Variants in WDR17 observed in about 807,000 individuals in gnomAD.
WDR17 encodes WD repeat domain 17.
A neutral mutation model predicts 161.7 loss-of-function variants in WDR17; 143 were observed. The observed-to-expected ratio is 0.88, with a 90% CI of 0.77 to 1.02. WDR17 has a LOEUF of 1.02. Ranked by LOEUF, WDR17 falls within the 50% of genes least tolerant of loss-of-function variation. The pLI is 0.00. For missense variants in WDR17, 1,469 were observed against 1,520.9 expected, an observed-to-expected ratio of 0.97 and a Z score of 0.57; for synonymous variants, 517 against 515.6, an observed-to-expected ratio of 1.00 and a Z score of -0.04.
intron 5 of WDR17, among the ~76,000 whole-genome samples, chr4:176,126,580 A>G (rs556551981): frequency 1.3e-5 from 2 of 152,220 alleles, no homozygotes; most frequent in Non-Finnish European, 2.9e-5. Flanking sequence ...AAATTCCACA[A>G]AATTTCAAGA....
In WDR17 at chr4:176,135,097, C is replaced by T; in HGVS notation, c.1099-11C>T. The T allele has an allele frequency of 6.2e-7, 1 of 1,609,544 alleles. No homozygotes were observed. On this transcript the variant is annotated splice_polypyrimidine_tract_variant and intron_variant, in intron 7 of 28. Transcript: ENST00000508596. ...CTCAATAATTATGACTTTTTTATGCCATATTCCTAGGGACATGTGGAAACT... is the reference window on the plus strand; with the variant it reads ...CTCAATAATTATGACTTTTTTATGCTATATTCCTAGGGACATGTGGAAACT...
intron 4 of WDR17, among the ~76,000 whole-genome samples, chr4:176,120,821 T>G (rs1028321616): frequency 1.3e-5 from 2 of 151,596 alleles, no homozygotes; most frequent in African/African-American, 4.9e-5. Flanking sequence ...GATAACTACT[T>G]TCACAAAACA....
chr4:176,167,535 A>T (rs369565073), intron 22 of WDR17, among the ~76,000 whole-genome samples: 1 of 147,238 alleles, frequency 6.8e-6, no homozygotes, highest in African/African-American at 2.5e-5. Context: ...AGTCCCAGCT[A>T]CTCGGGAGGC....
chr4:176,095,764 T>G (rs1409055307), intron 1 of WDR17, among the ~76,000 whole-genome samples: 1 of 152,084 alleles, frequency 6.6e-6, no homozygotes, highest in African/African-American at 2.4e-5. Context: ...AAAAGATCGC[T>G]TAGAACCTGT....
intron 23 of WDR17, among the ~76,000 whole-genome samples, chr4:176,170,016 T>C (rs1042850874): frequency 3.9e-5 from 6 of 152,204 alleles, no homozygotes; most frequent in Admixed American, 1.3e-4. Flanking sequence ...AGTGTTTGAA[T>C]GTACACTAAC....
intron 10 of WDR17, among the ~76,000 whole-genome samples, chr4:176,141,544 C>T (rs556943759): frequency 2.0e-5 from 3 of 152,278 alleles, no homozygotes; most frequent in Non-Finnish European, 2.9e-5. Context: ...ATCCTCCTGC[C>T]TCAGCCTCCT....
Position 176,168,564 on chromosome 4 carries a change from A to T in WDR17, c.2991-108A>T, listed in dbSNP as rs565800887. The T allele has an allele frequency of 5.8e-4, 772 of 1,329,720 alleles. 3 individuals carry two copies. Among genetic ancestry groups the T allele is most frequent in the Middle Eastern group, 5.0e-3 (26 of 5,186 alleles). The allele number at this position is 1,329,720 out of a possible 1,614,324, so 82.4% of individuals were successfully genotyped here. On this transcript the variant is annotated intron_variant, in intron 22 of 28. Coordinates refer to ENST00000508596, the MANE Select transcript of WDR17 (RefSeq NM_181265.4). ...GCTATTAATACTGTTTGTGTAAATT[A>T]AAAAGCAAGAGTGGTATATTATATG... is the stretch of plus-strand genomic sequence containing the variant.
chr4:176,120,868 G>T (rs1008442466), intron 4 of WDR17, among the ~76,000 whole-genome samples: 2 of 151,526 alleles, frequency 1.3e-5, no homozygotes, highest in Non-Finnish European at 2.9e-5. Context: ...ATAGAAAAAA[G>T]AAATTGAAAT....
intron 7 of WDR17, among the ~76,000 whole-genome samples, chr4:176,134,574 C>G (rs1266478756): frequency 6.6e-6 from 1 of 151,630 alleles, no homozygotes; most frequent in African/African-American, 2.4e-5. Context: ...AATTTTGGAA[C>G]AAGGCTCATT....
intron 1 of WDR17, among the ~76,000 whole-genome samples, chr4:176,073,877 G>T (rs943929314): frequency 2.5e-4 from 38 of 151,422 alleles, no homozygotes; most frequent in Non-Finnish European, 4.4e-4. Context: ...ATTTTTTCAT[G>T]TGTTTTTTGG....
chr4:176,121,135 T>C (rs1449591244), intron 4 of WDR17, among the ~76,000 whole-genome samples: 1 of 152,172 alleles, frequency 6.6e-6, no homozygotes, highest in African/African-American at 2.4e-5. Context: ...GTGGGGACAG[T>C]TTCATTGATT....
intron 21 of WDR17, among the ~76,000 whole-genome samples, chr4:176,162,532 C>T (rs1284060058): frequency 6.6e-6 from 1 of 152,122 alleles, no homozygotes; most frequent in Non-Finnish European, 1.5e-5. Context: ...ACTTTGGGCA[C>T]GTCATTTAAC....
At chr4:176,143,884 G>A (rs532791437) in intron 11 of WDR17, among the ~76,000 whole-genome samples, 193 of 152,158 alleles carry the variant, frequency 1.3e-3, no homozygotes, top group Non-Finnish European at 2.3e-3. Flanking sequence ...ACAGAGCTGA[G>A]CACACCATTC....
intron 26 of WDR17, among the ~76,000 whole-genome samples, chr4:176,176,339 C>G (rs1320873413): frequency 1.3e-5 from 2 of 152,092 alleles, no homozygotes; most frequent in Non-Finnish European, 2.9e-5. Context: ...ACAGTTCCAT[C>G]TTTGTTGTCT....
chr4:176,107,406 T>A (rs1738918838), intron 1 of WDR17, among the ~76,000 whole-genome samples: 1 of 148,676 alleles, frequency 6.7e-6, no homozygotes, highest in Admixed American at 6.8e-5. Context: ...AGAATTATTA[T>A]TTGATCTAGT....
intron 2 of WDR17, among the ~76,000 whole-genome samples, chr4:176,114,324 A>G (rs1044552324): frequency 6.6e-6 from 1 of 152,090 alleles, no homozygotes; most frequent in Admixed American, 6.5e-5. Context: ...GTTTTGGGTT[A>G]TGTTTACTAA....
chr4:176,132,204 T>C (rs1049954485), intron 7 of WDR17, among the ~76,000 whole-genome samples: 3 of 152,104 alleles, frequency 2.0e-5, no homozygotes, highest in Non-Finnish European at 4.4e-5. Flanking sequence ...AGCCCCTATA[T>C]AAGATAGAAT....
At chr4:176,152,894 CAT>C (rs1307906734) in intron 17 of WDR17, among the ~76,000 whole-genome samples, 3 of 151,250 alleles carry the variant, frequency 2.0e-5, no homozygotes, top group Non-Finnish European at 4.4e-5. Flanking sequence ...GAGATCGCAC[CAT>C]TGCACTCCAG....
intron 2 of WDR17, among the ~76,000 whole-genome samples, chr4:176,115,114 G>A (rs890296286): frequency 5.3e-5 from 8 of 151,974 alleles, no homozygotes; most frequent in African/African-American, 1.7e-4. Context: ...ACTTAGAATA[G>A]CACTGTGAAA....
Sources: allele counts gnomAD v4.1 joint callset (sites outside exome capture counted in the v4.1 genomes callset), GRCh38; gene constraint gnomAD v4.1.1; transcripts MANE v1.5; gene names NCBI Gene and HGNC (gene_info 2026-07-23, HGNC 2026-07-21).